Variants in GLB1 observed in about 807,000 individuals in gnomAD.
GLB1 encodes beta-galactosidase.
Under a neutral mutation model 74.0 loss-of-function variants are expected in GLB1, and 56 were observed. That is an observed-to-expected ratio of 0.76 (90% CI 0.61 to 0.94). GLB1 has a LOEUF of 0.94. Ranked by LOEUF, GLB1 falls within the 40% of genes least tolerant of loss-of-function variation. The probability of loss-of-function intolerance (pLI) is 0.00; values close to 1 mark genes in which losing one functional copy is unlikely to be tolerated. For missense variants in GLB1, 787 were observed against 845.5 expected (o/e 0.93, Z 0.86); for synonymous variants, 323 against 323.6 (o/e 1.00, Z 0.02).
intron 15 of GLB1, among the ~76,000 whole-genome samples, chr3:33,011,807 C>G (rs1266608594): frequency 6.6e-6 from 1 of 152,186 alleles, no homozygotes; most frequent in Non-Finnish European, 1.5e-5. Context: ...TTCTCCTCTT[C>G]TTCAGAATTA....
chr3:33,011,165 C>CT lies in GLB1; in HGVS notation c.1734+2890dup, dbSNP rs529855519. Among the ~76,000 whole-genome samples, 157 of 152,110 alleles carry CT rather than the reference C, an allele frequency of 1.0e-3. 1 individual carries two copies. Among genetic ancestry groups the CT allele is most frequent in the Admixed American group, 4.5e-3 (68 of 15,272 alleles). Reference sequence around the variant, plus strand: ...GAGCCACCACACCCAGTAAAACATACTTTTTAATAATCTATGGTTCAAAGA... The same window carrying CT: ...GAGCCACCACACCCAGTAAAACATACTTTTTTAATAATCTATGGTTCAAAGA... On this transcript the variant is annotated intron_variant, in intron 15 of 15. Transcript: ENST00000307363.
Position 33,052,408 on chromosome 3 carries a change from C to A in GLB1, c.793-404G>T, listed in dbSNP as rs539158675. ...CAGTACTTTGGGAGGCCGAGGTGGG[C>A]GGATCACAAGGTCTAGAGATTGAGA... On this transcript the variant is annotated intron_variant, in intron 7 of 15. Transcript: ENST00000307363. Among the ~76,000 whole-genome samples, 26 of 152,222 alleles carry A rather than the reference C, an allele frequency of 1.7e-4. No homozygotes were observed. The South Asian group carries it at 3.7e-3, about 22-fold the overall frequency.
chr3:33,087,255 A>G (rs1416627956), intron 1 of GLB1, among the ~76,000 whole-genome samples: 1 of 152,040 alleles, frequency 6.6e-6, no homozygotes, highest in East Asian at 1.9e-4. Context: ...TAGCTATTAA[A>G]AAGATTGAAT....
chr3:33,066,762 G>A (rs1180381344), intron 4 of GLB1, among the ~76,000 whole-genome samples: 1 of 152,008 alleles, frequency 6.6e-6, no homozygotes, highest in East Asian at 1.9e-4. Context: ...TATTTATATT[G>A]TCAAATAGGA....
chr3:33,005,045 CAGG>C (rs1053482768), intron 15 of GLB1, among the ~76,000 whole-genome samples: 3 of 152,130 alleles, frequency 2.0e-5, no homozygotes, highest in Non-Finnish European at 4.4e-5. Context: ...GGAAGAAAAC[CAGG>C]AGAAGTTTGG....
chr3:33,086,260 T>C (rs918852635), intron 1 of GLB1, among the ~76,000 whole-genome samples: 17 of 152,128 alleles, frequency 1.1e-4, no homozygotes, highest in South Asian at 2.1e-4. Flanking sequence ...TTCTTGGAGG[T>C]TGCTGTGGTA....
chr3:33,056,867 T>C (rs1387754583), intron 6 of GLB1, among the ~76,000 whole-genome samples: 1 of 152,208 alleles, frequency 6.6e-6, no homozygotes, highest in African/African-American at 2.4e-5. Context: ...ACTGATACAG[T>C]ACTCTTATCT....
intron 1 of GLB1, among the ~76,000 whole-genome samples, chr3:33,074,917 C>G (rs943860504): frequency 2.8e-4 from 43 of 152,146 alleles, no homozygotes; most frequent in African/African-American, 9.9e-4. Flanking sequence ...TTAAACAACT[C>G]AGAGAAGAAT....
chr3:32,983,271 A>G, the GLB1 span, among the ~76,000 whole-genome samples: 1 of 152,132 alleles, frequency 6.6e-6, no homozygotes, highest in East Asian at 1.9e-4. Flanking sequence ...CTGGGTCTCT[A>G]AACCTTTCTT....
intron 14 of GLB1, among the ~76,000 whole-genome samples, chr3:33,015,814 G>C (rs1356205101): frequency 6.6e-6 from 1 of 152,184 alleles, no homozygotes; most frequent in African/African-American, 2.4e-5. Flanking sequence ...TCAGGAAATA[G>C]CCCCAGACAC....
At chr3:33,023,925 G>T (rs778268781) in intron 11 of GLB1, among the ~76,000 whole-genome samples, 2 of 152,110 alleles carry the variant, frequency 1.3e-5, no homozygotes, top group Non-Finnish European at 2.9e-5. Context: ...CCATAACAAT[G>T]AGGTGGCATG....
At chr3:32,986,504 G>C in the GLB1 span, among the ~76,000 whole-genome samples, 2,800 of 152,010 alleles carry the variant, frequency 0.018, 93 homozygotes, top group African/African-American at 0.064. Flanking sequence ...GCAGCCCCAT[G>C]TGTTCTCAAC....
At chr3:32,978,508 G>A in the GLB1 span, among the ~76,000 whole-genome samples, 2 of 152,152 alleles carry the variant, frequency 1.3e-5, no homozygotes, top group African/African-American at 2.4e-5. Context: ...TGTAACAGAC[G>A]GCAAAAAGTC....
At chr3:33,085,605 A>G (rs574365987) in intron 1 of GLB1, among the ~76,000 whole-genome samples, 2 of 151,988 alleles carry the variant, frequency 1.3e-5, no homozygotes, top group Non-Finnish European at 2.9e-5. Context: ...ATCTGCAAAC[A>G]TTTCCCACTA....
intron 10 of GLB1, chr3:33,034,615 G>A: frequency 1.4e-6 from 1 of 722,100 alleles, no homozygotes; most frequent in Non-Finnish European, 2.6e-6. Context: ...CCAAATTGCT[G>A]CACAAGTTCA....
In GLB1 at chr3:33,093,426, G is replaced by A. The variant is rs762915964; in HGVS notation, c.75+3585C>T. ...AAGCTGGCCCAGAGGAGCGACAGCC[G>A]TCCGCAGGACCGAGGCTTCTGAGTC... On this transcript the variant is annotated intron_variant, in intron 1 of 15. Coordinates refer to ENST00000307363, the MANE Select transcript of GLB1 (RefSeq NM_000404.4). The surrounding 1 kb of genome is among the most constrained non-coding windows in gnomAD (Gnocchi z 6.0). 10 of 1,614,074 alleles carry A rather than the reference G, an allele frequency of 6.2e-6. No individual in the cohort carries two copies. Among genetic ancestry groups the A allele is most frequent in the Non-Finnish European group, 6.8e-6 (8 of 1,180,020 alleles).
At chr3:33,021,239 A>G (rs1205712876) in intron 12 of GLB1, 13 of 383,128 alleles carry the variant, frequency 3.4e-5, no homozygotes, top group South Asian at 3.3e-4. Flanking sequence ...GTATTAAAAC[A>G]GTGATCTTCC....
At chr3:33,050,796 C>T (rs1028021455) in intron 9 of GLB1, among the ~76,000 whole-genome samples, 2 of 152,098 alleles carry the variant, frequency 1.3e-5, no homozygotes, top group African/African-American at 4.8e-5. Flanking sequence ...TATACCTCAA[C>T]AAAACAAAAC....
intron 9 of GLB1, among the ~76,000 whole-genome samples, chr3:33,047,481 A>G (rs1184024244): frequency 6.6e-6 from 1 of 152,184 alleles, no homozygotes; most frequent in Non-Finnish European, 1.5e-5. Context: ...TGTCCAGGTG[A>G]CGCTGATGCT....
Sources: allele counts gnomAD v4.1 joint callset (sites outside exome capture counted in the v4.1 genomes callset), GRCh38; gene constraint gnomAD v4.1.1; non-coding constraint Gnocchi (gnomAD v3.1); transcripts MANE v1.5; gene names NCBI Gene and HGNC (gene_info 2026-07-23, HGNC 2026-07-21).